BMPR1A: variants seen among roughly 807,000 people sequenced by gnomAD.
BMPR1A encodes bone morphogenetic protein receptor type-1A.
Under a neutral mutation model 66.0 loss-of-function variants are expected in BMPR1A, and 7 were observed. The observed-to-expected ratio is 0.11, with a 90% CI of 0.06 to 0.20. BMPR1A has a LOEUF of 0.20. Ranked by LOEUF, BMPR1A falls within the 10% of genes least tolerant of loss-of-function variation. The probability of loss-of-function intolerance (pLI) is 1.00; values close to 1 mark genes in which losing one functional copy is unlikely to be tolerated. For synonymous variants in BMPR1A, 200 were observed against 229.7 expected (o/e 0.87, Z 1.17); for missense variants, 408 against 669.1 (o/e 0.61, Z 4.31).
In BMPR1A at chr10:86,835,204, C is replaced by T. The variant is rs376005503; in HGVS notation, c.-267-3661C>T. ...GAGCCATGACCGTGCCACTGCACTC[C>T]AGCCTGAGTGACAGAGTGAGACCCT... On this transcript the variant is annotated intron_variant, in intron 1 of 12. Transcript: ENST00000372037. Among the ~76,000 whole-genome samples, 5 of 147,730 alleles carry T rather than the reference C, an allele frequency of 3.4e-5. No homozygotes were observed. In the East Asian group the frequency reaches 8.0e-4, roughly 24 times the overall value.
intron 1 of BMPR1A, among the ~76,000 whole-genome samples, chr10:86,786,306 C>G (rs1455802931): frequency 2.0e-5 from 3 of 152,066 alleles, no homozygotes; most frequent in African/African-American, 7.2e-5. Context: ...TGTTCATTTC[C>G]CACCCCGACC....
intron 2 of BMPR1A, among the ~76,000 whole-genome samples, chr10:86,851,865 T>C (rs1842572555): frequency 1.3e-5 from 2 of 152,154 alleles, no homozygotes; most frequent in African/African-American, 4.8e-5. Context: ...GCGTTACTAA[T>C]TTTATCGTAT....
chr10:86,811,224 A>T (rs1255619325), intron 1 of BMPR1A, among the ~76,000 whole-genome samples: 2 of 152,122 alleles, frequency 1.3e-5, no homozygotes, highest in Admixed American at 1.3e-4. Flanking sequence ...TTTTTGGTAG[A>T]GACAGAGTTT....
chr10:86,902,188 G>A (rs908561942), intron 7 of BMPR1A, among the ~76,000 whole-genome samples: 1 of 152,000 alleles, frequency 6.6e-6, no homozygotes, highest in Non-Finnish European at 1.5e-5. Context: ...ATATTGTTGA[G>A]TATGCTTTTA....
chr10:86,882,869 G>A (rs559783366), intron 3 of BMPR1A, among the ~76,000 whole-genome samples: 11 of 152,064 alleles, frequency 7.2e-5, no homozygotes, highest in Non-Finnish European at 8.8e-5. Context: ...GGGAGGCTGA[G>A]GCAGGAGAAT....
At chr10:86,918,602 TTTTTC>T (rs148453748) in intron 9 of BMPR1A, among the ~76,000 whole-genome samples, 2,085 of 152,030 alleles carry the variant, frequency 0.014, 43 homozygotes, top group African/African-American at 0.047. Flanking sequence ...ATATGTCATC[TTTTTC>T]TTTTCTTTCC....
At chr10:86,886,853 T>A (rs1376413788) in intron 3 of BMPR1A, among the ~76,000 whole-genome samples, 1 of 123,010 alleles carries the variant, frequency 8.1e-6, no homozygotes. Context: ...TTTTTTGAGA[T>A]GGATTTTCGC....
intron 1 of BMPR1A, among the ~76,000 whole-genome samples, chr10:86,817,834 A>G (rs1842056663): frequency 6.6e-6 from 1 of 152,238 alleles, no homozygotes; most frequent in African/African-American, 2.4e-5. Context: ...AAAAAACTGG[A>G]GAAAGAGAAC....
At chr10:86,765,533 C>T (rs966936862) in intron 1 of BMPR1A, among the ~76,000 whole-genome samples, 1 of 151,716 alleles carries the variant, frequency 6.6e-6, no homozygotes, top group South Asian at 2.1e-4. Context: ...CTATGAAGCC[C>T]TCCTCAGTGG....
intron 2 of BMPR1A, among the ~76,000 whole-genome samples, chr10:86,867,280 A>G (rs893479489): frequency 6.6e-6 from 1 of 152,262 alleles, no homozygotes; most frequent in Non-Finnish European, 1.5e-5. Context: ...ACCAGTAAGT[A>G]TAGATAGTGC....
At chr10:86,893,864 T>C (rs1214304537) in intron 5 of BMPR1A, among the ~76,000 whole-genome samples, 1 of 152,202 alleles carries the variant, frequency 6.6e-6, no homozygotes, top group Non-Finnish European at 1.5e-5. Context: ...AGCTAATGTT[T>C]GGAATCACCC....
chr10:86,919,586 A>G, intron 10 of BMPR1A, 117 bp downstream of exon 10: 1 of 1,357,862 alleles, frequency 7.4e-7, no homozygotes, highest in Non-Finnish European at 1.0e-6. Context: ...TTTTAGTTAC[A>G]TAAATGTATA....
intron 1 of BMPR1A, among the ~76,000 whole-genome samples, chr10:86,826,868 A>AC (rs1842203218): frequency 6.6e-6 from 1 of 152,152 alleles, no homozygotes; most frequent in African/African-American, 2.4e-5. Context: ...TATGTACATT[A>AC]CATAAAGTAA....
intron 1 of BMPR1A, among the ~76,000 whole-genome samples, chr10:86,798,944 A>G (rs1841767456): frequency 6.6e-6 from 1 of 152,196 alleles, no homozygotes; most frequent in Admixed American, 6.5e-5. Flanking sequence ...ATGTTAATAA[A>G]AAAGCTTTGG....
intron 5 of BMPR1A, among the ~76,000 whole-genome samples, chr10:86,893,956 C>G (rs372262078): frequency 6.6e-6 from 1 of 152,210 alleles, no homozygotes; most frequent in South Asian, 2.1e-4. Context: ...TTTAAGATGA[C>G]AGCCCTTTAC....
intron 1 of BMPR1A, among the ~76,000 whole-genome samples, chr10:86,789,934 A>G (rs1387635867): frequency 6.6e-6 from 1 of 150,718 alleles, no homozygotes; most frequent in Non-Finnish European, 1.5e-5. Context: ...AGGAGGGCAG[A>G]TCATGAGGTC....
At chr10:86,871,397 A>G (rs1842853802) in intron 2 of BMPR1A, among the ~76,000 whole-genome samples, 1 of 152,180 alleles carries the variant, frequency 6.6e-6, no homozygotes, top group Non-Finnish European at 1.5e-5. Context: ...TATTCTTGGT[A>G]TCTAATACAG....
At chr10:86,834,944 G>A (rs543645175) in intron 1 of BMPR1A, among the ~76,000 whole-genome samples, 3 of 151,944 alleles carry the variant, frequency 2.0e-5, no homozygotes, top group Non-Finnish European at 4.4e-5. Flanking sequence ...CTTTTTCTGG[G>A]TGCTGAGAAG....
At chr10:86,866,955 C>T (rs906192553) in intron 2 of BMPR1A, among the ~76,000 whole-genome samples, 2 of 152,050 alleles carry the variant, frequency 1.3e-5, no homozygotes, top group Non-Finnish European at 2.9e-5. Flanking sequence ...GGATAATGCA[C>T]GTAAAACTAA....
Sources: gnomAD v4.1 joint callset for allele counts (sites outside exome capture counted in the v4.1 genomes callset) on GRCh38, gnomAD v4.1.1 for gene constraint, MANE v1.5 for transcripts, NCBI Gene and HGNC (gene_info 2026-07-23, HGNC 2026-07-21) for gene names.